The following CCNYL1 variants were observed in gnomAD, a reference collection of about 807,000 sequenced individuals.
The protein encoded by CCNYL1 is cyclin Y like 1, also known as cyclin-Y-like protein 1.
CCNYL1 carries 16 observed loss-of-function variants against 44.2 expected under a neutral mutation model. The ratio of observed to expected loss-of-function variants is 0.36; its 90% CI spans 0.25 to 0.55. CCNYL1 has a LOEUF of 0.55. Among genes scored for constraint, CCNYL1 ranks in the 20% least tolerant of loss-of-function variants. The pLI, the probability that CCNYL1 is intolerant of heterozygous loss-of-function variation, is 0.85. For missense variants in CCNYL1, 348 were observed against 451.8 expected (o/e 0.77, Z 2.08); for synonymous variants, 159 against 163.2 (o/e 0.97, Z 0.20).
Position 207,753,927 on chromosome 2 carries a change from A to C in CCNYL1, c.*229A>C. On this transcript the variant is annotated 3_prime_UTR_variant, in exon 10 of 10. Coordinates refer to ENST00000295414, the MANE Select transcript of CCNYL1 (RefSeq NM_001330218.2). ...TTTTTAATGTAAACAGAGTTACAAA[A>C]ACCACTCCAAAGTGAAGGCTCCCAT... 2.4e-4 allele frequency: 92 copies of C among 388,652 alleles called. No individual in the cohort carries two copies. The highest frequency in any genetic ancestry group is 1.3e-4 in the Non-Finnish European group (29 of 216,660). 24.1% of individuals were successfully genotyped at this position (388,652 alleles called of 1,614,324 possible). A position where few individuals can be genotyped will look rare whatever the true frequency, so the allele number is the denominator to read the frequency against.
rs139360929 is a variant in CCNYL1 at position 207,717,773 on chromosome 2, G to A, written c.220+5657G>A. Among the ~76,000 whole-genome samples, 719 of 152,250 alleles carry A rather than the reference G, an allele frequency of 4.7e-3. 1 individual carries two copies. The highest frequency in any genetic ancestry group is 1.0e-2 in the South Asian group (48 of 4,824). On this transcript the variant is annotated intron_variant, in intron 1 of 9. Coordinates refer to ENST00000295414, the MANE Select transcript of CCNYL1 (RefSeq NM_001330218.2). The stretch of plus-strand genomic sequence containing the variant: ...GGACAGAAAGACACAGGGTGGCTGC[G>A]GAAGAGTGAAAAGGATGCCAGGACT...
chr2:207,727,001 A>T, intron 3 of CCNYL1, 125 bp downstream of exon 3: 1 of 585,702 alleles, frequency 1.7e-6, no homozygotes. Flanking sequence ...GGATTTTCTA[A>T]ATCATTTCTA....
chr2:207,730,144 A>G (rs964367968), intron 3 of CCNYL1, among the ~76,000 whole-genome samples: 1 of 152,166 alleles, frequency 6.6e-6, no homozygotes, highest in African/African-American at 2.4e-5. Context: ...TCCACTTCTC[A>G]GTGTGTAGTT....
intron 1 of CCNYL1, among the ~76,000 whole-genome samples, chr2:207,718,238 G>A (rs1310643113): frequency 6.6e-6 from 1 of 152,258 alleles, no homozygotes; most frequent in Non-Finnish European, 1.5e-5. Flanking sequence ...AGATCAGACG[G>A]TGGCTCATGC....
At chr2:207,731,806 CTTTTTTTTT>C (rs58231431) in intron 3 of CCNYL1, among the ~76,000 whole-genome samples, 3 of 84,706 alleles carry the variant, frequency 3.5e-5, no homozygotes, top group Non-Finnish European at 7.6e-5. Context: ...GAGGTTTCTT[CTTTTTTTTT>C]TTTTTTTTTT....
intron 3 of CCNYL1, among the ~76,000 whole-genome samples, chr2:207,733,221 A>C (rs1239399180): frequency 6.6e-6 from 1 of 152,218 alleles, no homozygotes; most frequent in Non-Finnish European, 1.5e-5. Flanking sequence ...CTGTCAAATA[A>C]CTTATAGAAT....
chr2:207,752,698 G>GGT (rs1200767953), intron 9 of CCNYL1, among the ~76,000 whole-genome samples: 1 of 152,110 alleles, frequency 6.6e-6, no homozygotes, highest in Non-Finnish European at 1.5e-5. Context: ...GTGGTACCTT[G>GGT]GTGGTACTTT....
At chr2:207,731,940 G>T (rs1249075316) in intron 3 of CCNYL1, among the ~76,000 whole-genome samples, 1 of 151,492 alleles carries the variant, frequency 6.6e-6, no homozygotes, top group African/African-American at 2.4e-5. Context: ...CTCCCGAGTA[G>T]TTGGGATTAT....
chr2:207,723,017 T>C (rs2091652637), intron 1 of CCNYL1, among the ~76,000 whole-genome samples: 1 of 152,056 alleles, frequency 6.6e-6, no homozygotes, highest in Non-Finnish European at 1.5e-5. Context: ...CTGCCTGTCA[T>C]TTTGTGCACA....
chr2:207,735,502 T>C (rs2091758090), intron 4 of CCNYL1, among the ~76,000 whole-genome samples: 1 of 152,240 alleles, frequency 6.6e-6, no homozygotes, highest in East Asian at 1.9e-4. Context: ...CAGATGATTC[T>C]GGTCTTAACC....
At chr2:207,725,267 C>T (rs1368762203) in intron 2 of CCNYL1, among the ~76,000 whole-genome samples, 1 of 152,026 alleles carries the variant, frequency 6.6e-6, no homozygotes, top group African/African-American at 2.4e-5. Flanking sequence ...GCTAGGACTA[C>T]AGGCATGAGC....
At chr2:207,722,397 A>C (rs2091647128) in intron 1 of CCNYL1, among the ~76,000 whole-genome samples, 1 of 151,712 alleles carries the variant, frequency 6.6e-6, no homozygotes, top group African/African-American at 2.4e-5. Context: ...TTATATTTAC[A>C]CAGTAGCACA....
chr2:207,730,637 A>C (rs1313503163), intron 3 of CCNYL1, among the ~76,000 whole-genome samples: 1 of 152,126 alleles, frequency 6.6e-6, no homozygotes, highest in African/African-American at 2.4e-5. Flanking sequence ...GCACACCTGT[A>C]ATCCCAGCTG....
chr2:207,748,188 T>C (rs2091868381), intron 8 of CCNYL1, among the ~76,000 whole-genome samples: 1 of 152,128 alleles, frequency 6.6e-6, no homozygotes, highest in Non-Finnish European at 1.5e-5. Flanking sequence ...TAGGAGTGTT[T>C]TTTGTATTTA....
At chr2:207,715,971 T>C (rs1156960119) in intron 1 of CCNYL1, among the ~76,000 whole-genome samples, 3 of 152,126 alleles carry the variant, frequency 2.0e-5, no homozygotes, top group African/African-American at 7.2e-5. Flanking sequence ...CCACCACGCC[T>C]GGTCTCGTCA....
intron 1 of CCNYL1, among the ~76,000 whole-genome samples, chr2:207,713,115 T>C (rs1489959621): frequency 6.6e-6 from 1 of 152,138 alleles, no homozygotes; most frequent in Non-Finnish European, 1.5e-5. Flanking sequence ...CGCCCAGAGG[T>C]TGTTAACTCA....
chr2:207,737,363 C>A, intron 4 of CCNYL1, 48 bp from the exon 5 acceptor site: 1 of 1,451,180 alleles, frequency 6.9e-7, no homozygotes. Flanking sequence ...TCAGGCCTAA[C>A]AAATGTTTAA....
At chr2:207,740,744 A>G (rs761628266) in intron 6 of CCNYL1, 38 bp downstream of exon 6, 3 of 1,331,408 alleles carry the variant, frequency 2.3e-6, no homozygotes, top group East Asian at 4.6e-5. Flanking sequence ...TTTTTCTCTC[A>G]TAGAGTTGTG....
intron 3 of CCNYL1, among the ~76,000 whole-genome samples, chr2:207,729,808 C>A (rs1029680934): frequency 1.3e-5 from 2 of 152,160 alleles, no homozygotes; most frequent in Non-Finnish European, 2.9e-5. Flanking sequence ...CTCTTCCTCC[C>A]GAGTTCAAGT....
Sources: allele counts gnomAD v4.1 joint callset (sites outside exome capture counted in the v4.1 genomes callset), GRCh38; gene constraint gnomAD v4.1.1; transcripts MANE v1.5; gene names NCBI Gene and HGNC (gene_info 2026-07-23, HGNC 2026-07-21).